SHLD1: variants seen among roughly 807,000 people sequenced by gnomAD.
The protein encoded by SHLD1 is shieldin complex subunit 1.
In SHLD1, 3 loss-of-function variants were observed where a neutral mutation model predicts 5.5. That is an observed-to-expected ratio of 0.54 (90% CI 0.25 to 1.40). The LOEUF (loss-of-function observed/expected upper bound fraction) is 1.40, where lower values mean the gene tolerates loss of function less well. Ranked by LOEUF, SHLD1 falls within the 40% of genes most tolerant of loss-of-function variation. SHLD1 has a pLI of 0.15. For missense variants in SHLD1, 210 were observed against 244.4 expected, an observed-to-expected ratio of 0.86 and a Z score of 0.94; for synonymous variants, 92 against 94.3, an observed-to-expected ratio of 0.98 and a Z score of 0.14.
At chr20:5,816,358 A>G (rs575938264) in intron 2 of SHLD1, among the ~76,000 whole-genome samples, 1 of 152,320 alleles carries the variant, frequency 6.6e-6, no homozygotes, top group Non-Finnish European at 1.5e-5. Context: ...CAGAAATAGT[A>G]AAGTTCTACT....
chr20:5,755,766 T>C (rs1214538702), intron 1 of SHLD1, among the ~76,000 whole-genome samples: 1 of 151,960 alleles, frequency 6.6e-6, no homozygotes, highest in Non-Finnish European at 1.5e-5. Context: ...TCCATGTTGG[T>C]CAGGGTGGTC....
intron 1 of SHLD1, among the ~76,000 whole-genome samples, chr20:5,753,531 A>G (rs1983884164): frequency 6.6e-6 from 1 of 152,250 alleles, no homozygotes; most frequent in Non-Finnish European, 1.5e-5. Context: ...TGAAAAATCA[A>G]GCTGCAAGCG....
intron 1 of SHLD1, among the ~76,000 whole-genome samples, chr20:5,761,175 A>G (rs1342150522): frequency 2.0e-5 from 3 of 152,088 alleles, no homozygotes; most frequent in African/African-American, 7.2e-5. Context: ...CAAACACCAC[A>G]TGTTCTCACT....
chr20:5,861,543 T>C (rs144781349), intron 2 of SHLD1, among the ~76,000 whole-genome samples: 127 of 152,338 alleles, frequency 8.3e-4, no homozygotes, highest in Non-Finnish European at 1.6e-3. Context: ...AAAGAACACA[T>C]GTCCATATTC....
chr20:5,849,010 T>C (rs1003205040), intron 2 of SHLD1, among the ~76,000 whole-genome samples: 2 of 152,198 alleles, frequency 1.3e-5, no homozygotes, highest in African/African-American at 4.8e-5. Context: ...TAATTTGTAT[T>C]AAATATCTTG....
At chr20:5,778,283 G>GTTTTTTTTTT (rs377277543) in intron 2 of SHLD1, among the ~76,000 whole-genome samples, 2 of 129,962 alleles carry the variant, frequency 1.5e-5, no homozygotes, top group African/African-American at 3.0e-5. Context: ...TGCCTGGCTA[G>GTTTTTTTTTT]TTTTTTTTTT....
chr20:5,848,502 T>C (rs1392264607), intron 2 of SHLD1, among the ~76,000 whole-genome samples: 1 of 152,214 alleles, frequency 6.6e-6, no homozygotes, highest in Non-Finnish European at 1.5e-5. Context: ...GAGGGGCTTT[T>C]GGTCAATGTC....
chr20:5,836,700 G>A (rs758908372), intron 2 of SHLD1, among the ~76,000 whole-genome samples: 6 of 131,182 alleles, frequency 4.6e-5, no homozygotes, highest in Non-Finnish European at 7.7e-5. Flanking sequence ...CAGTCAGGAC[G>A]TGGGAGGATC....
chr20:5,828,401 G>A (rs896182281), intron 2 of SHLD1, among the ~76,000 whole-genome samples: 1 of 152,092 alleles, frequency 6.6e-6, no homozygotes, highest in Non-Finnish European at 1.5e-5. Context: ...TAACCTTAAA[G>A]GCCTGCAGAA....
chr20:5,863,331 G>T lies in SHLD1; in HGVS notation c.486G>T (p.Arg162Ser). The change falls in exon 3 of 3, where the codon AGG becomes AGT. Residue 162 changes from arginine to serine, a missense_variant. Physicochemically the swap from Arg to Ser is moderately radical, Grantham distance 110. Coordinates refer to ENST00000303142, the MANE Select transcript of SHLD1 (RefSeq NM_152504.4). ...FNRDGCSVLQ[R>S]HSRDTHFYPL... ...GGGACGGCTGCTCCGTCTTACAGAG[G>T]CATTCCAGGGACACCCACTTCTACC... 6.2e-7 allele frequency: 1 copy of T among 1,614,224 alleles called. No individual in the cohort carries two copies. The highest frequency in any genetic ancestry group is 8.5e-7 in the Non-Finnish European group (1 of 1,180,038).
chr20:5,796,124 A>G (rs1463222584), intron 2 of SHLD1, among the ~76,000 whole-genome samples: 3 of 152,210 alleles, frequency 2.0e-5, no homozygotes, highest in African/African-American at 7.2e-5. Context: ...GCTAGAAATC[A>G]TTACTTAAGG....
intron 1 of SHLD1, among the ~76,000 whole-genome samples, chr20:5,771,109 A>G (rs972937871): frequency 6.6e-6 from 1 of 152,178 alleles, no homozygotes; most frequent in African/African-American, 2.4e-5. Context: ...TCTGTACACT[A>G]TGCTTAGCTT....
rs1246873705 is a variant in SHLD1 at position 5,771,977 on chromosome 20, G to A, written c.-4-885G>A. 12 of 429,636 alleles carry A rather than the reference G, an allele frequency of 2.8e-5. No individual in the cohort carries two copies. In the East Asian group the frequency reaches 8.3e-4, roughly 30 times the overall value. 26.6% of individuals were successfully genotyped at this position (429,636 alleles called of 1,614,324 possible). ...GCAACCTCCGCTTCGCAAGTTCAAG[G>A]GATTCTCTTGCCTCTGACTCCCAAG... is the stretch of plus-strand genomic sequence containing the variant. On this transcript the variant is annotated intron_variant, in intron 1 of 2. Coordinates refer to ENST00000303142, the MANE Select transcript of SHLD1 (RefSeq NM_152504.4).
Position 5,855,633 on chromosome 20 carries a change from A to T in SHLD1, c.179-7391A>T, listed in dbSNP as rs1243230506. On this transcript the variant is annotated intron_variant, in intron 2 of 2. Transcript: ENST00000303142. The surrounding 1 kb of genome is among the most constrained non-coding windows in gnomAD (Gnocchi z 4.4). ...GAGATCCACTTTCCTTGGCCCCCCAAAGTGCTGGGATTATAGACATGAGCC... is the reference window on the plus strand; with the variant it reads ...GAGATCCACTTTCCTTGGCCCCCCATAGTGCTGGGATTATAGACATGAGCC... Among the ~76,000 whole-genome samples, 3 of 152,158 alleles carry T rather than the reference A, an allele frequency of 2.0e-5. No homozygotes were observed. The highest frequency in any genetic ancestry group is 4.4e-5 in the Non-Finnish European group (3 of 68,028).
intron 1 of SHLD1, among the ~76,000 whole-genome samples, chr20:5,764,138 AAAT>A (rs1189016292): frequency 2.0e-5 from 1 of 50,316 alleles, no homozygotes; most frequent in Non-Finnish European, 3.9e-5. Context: ...AAAAAAAAAA[AAAT>A]ATATATATAT....
chr20:5,831,290 C>T (rs945443892), intron 2 of SHLD1, among the ~76,000 whole-genome samples: 20 of 152,222 alleles, frequency 1.3e-4, no homozygotes, highest in African/African-American at 4.6e-4. Flanking sequence ...ATTTATCCAA[C>T]TCCCCACCTC....
At chr20:5,789,319 G>A (rs948669781) in intron 2 of SHLD1, among the ~76,000 whole-genome samples, 5 of 151,186 alleles carry the variant, frequency 3.3e-5, no homozygotes, top group Non-Finnish European at 2.9e-5. Context: ...GCTCACACCT[G>A]TAATCCCAAC....
chr20:5,849,634 C>A (rs1463146256), intron 2 of SHLD1, among the ~76,000 whole-genome samples: 1 of 152,146 alleles, frequency 6.6e-6, no homozygotes, highest in Non-Finnish European at 1.5e-5. Flanking sequence ...TGATCAAGGG[C>A]CCTCTAGAAA....
intron 2 of SHLD1, among the ~76,000 whole-genome samples, chr20:5,784,958 C>T (rs959153926): frequency 2.0e-5 from 3 of 152,206 alleles, no homozygotes; most frequent in Admixed American, 6.5e-5. Context: ...CTCCGGGGCA[C>T]TTATCTGCCG....
Sources: gnomAD v4.1 joint callset for allele counts (sites outside exome capture counted in the v4.1 genomes callset) on GRCh38, gnomAD v4.1.1 for gene constraint, Gnocchi (gnomAD v3.1) non-coding constraint, MANE v1.5 for transcripts, NCBI Gene and HGNC (gene_info 2026-07-23, HGNC 2026-07-21) for gene names.